TMEM229B: variants seen among roughly 807,000 people sequenced by gnomAD.
TMEM229B encodes chromosome 14 open reading frame 83.
In TMEM229B, 6 loss-of-function variants were observed where a neutral mutation model predicts 13.7. That is an observed-to-expected ratio of 0.44 (90% CI 0.24 to 0.86). TMEM229B has a LOEUF of 0.86. Ranked by LOEUF, TMEM229B falls within the 40% of genes least tolerant of loss-of-function variation. The pLI, the probability that TMEM229B is intolerant of heterozygous loss-of-function variation, is 0.23. For synonymous variants in TMEM229B, 107 were observed against 102.1 expected, an observed-to-expected ratio of 1.05 and a Z score of -0.29; for missense variants, 170 against 236.0, an observed-to-expected ratio of 0.72 and a Z score of 1.83.
In TMEM229B at chr14:67,500,715, G is replaced by T. The variant is rs181939421; in HGVS notation, c.-191-13543C>A. On this transcript the variant is annotated intron_variant, in intron 1 of 2. Coordinates refer to the TMEM229B transcript ENST00000357461. ...GCTTCCCGAGTAGCTGAGACTACAG[G>T]CGCCCGCCACCACGCCCGGCTAATT... Among the ~76,000 whole-genome samples the T allele has an allele frequency of 3.2e-3, 479 of 150,760 alleles. 2 individuals carry two copies. Among genetic ancestry groups the T allele is most frequent in the African/African-American group, 0.011 (454 of 41,150 alleles).
intron 1 of TMEM229B, among the ~76,000 whole-genome samples, chr14:67,507,479 C>T (rs1230247180): frequency 3.9e-5 from 6 of 152,120 alleles, no homozygotes; most frequent in South Asian, 2.1e-4. Flanking sequence ...CCCAGGGTCT[C>T]GGTCTTTTGT....
intron 2 of TMEM229B, among the ~76,000 whole-genome samples, chr14:67,480,634 ACC>A (rs1279277071): frequency 6.6e-6 from 1 of 152,012 alleles, no homozygotes; most frequent in East Asian, 1.9e-4. Context: ...TGGACCTCCT[ACC>A]CCAACTCAGG....
intron 2 of TMEM229B, among the ~76,000 whole-genome samples, chr14:67,476,262 C>T (rs570036492): frequency 6.6e-6 from 1 of 152,334 alleles, no homozygotes; most frequent in African/African-American, 2.4e-5. Flanking sequence ...CTTCCAAGCA[C>T]TTCGTTCGCA....
At chr14:67,483,736 C>A (rs897303668) in intron 2 of TMEM229B, among the ~76,000 whole-genome samples, 4 of 152,232 alleles carry the variant, frequency 2.6e-5, no homozygotes, top group African/African-American at 9.6e-5. Flanking sequence ...ACTGCCAGCC[C>A]ACACCAGTGC....
At chr14:67,517,795 G>A (rs2033229849), upstream of TMEM229B, among the ~76,000 whole-genome samples, 1 of 152,206 alleles carries the variant, frequency 6.6e-6, no homozygotes, top group African/African-American at 2.4e-5. Context: ...AGGAAATTAA[G>A]GCTCAGAGAG....
chr14:67,532,330 C>T (rs1264668417), intron 1 of TMEM229B, among the ~76,000 whole-genome samples: 1 of 152,208 alleles, frequency 6.6e-6, no homozygotes, highest in Non-Finnish European at 1.5e-5. Flanking sequence ...TTCAGTCCTT[C>T]ACTGACAGAG....
intron 2 of TMEM229B, among the ~76,000 whole-genome samples, chr14:67,484,200 A>G (rs1177960261): frequency 3.3e-5 from 5 of 152,120 alleles, no homozygotes; most frequent in African/African-American, 1.2e-4. Flanking sequence ...TCTCTCCTCA[A>G]CTAGAATGAA....
intron 1 of TMEM229B, among the ~76,000 whole-genome samples, chr14:67,508,425 T>G (rs1372852921): frequency 2.6e-5 from 4 of 151,998 alleles, no homozygotes; most frequent in Non-Finnish European, 4.4e-5. Flanking sequence ...CCAAAAAACT[T>G]GCATCACACG....
chr14:67,473,982 G>T lies in TMEM229B; in HGVS notation c.-18-41C>A, dbSNP rs969590787. 2 of 1,519,084 alleles carry T rather than the reference G, an allele frequency of 1.3e-6. No homozygotes were observed. Among genetic ancestry groups the T allele is most frequent in the East Asian group, 4.7e-5 (2 of 42,154 alleles). The allele number at this position is 1,519,084 out of a possible 1,614,324, so 94.1% of individuals were successfully genotyped here. On this transcript the variant is annotated intron_variant, in intron 2 of 2. Transcript: ENST00000554480. This position sits in a 1 kb window ranked among gnomAD's most constrained non-coding sequence, Gnocchi z 6.5. ...GAGAGACAGGTGAGGGCCGGGCGCGGTGGCTCACGCCTATAATCCCTGCGC... is the reference window on the plus strand; with the variant it reads ...GAGAGACAGGTGAGGGCCGGGCGCGTTGGCTCACGCCTATAATCCCTGCGC...
At chr14:67,493,985 T>C (rs954539141) in intron 1 of TMEM229B, among the ~76,000 whole-genome samples, 5 of 152,174 alleles carry the variant, frequency 3.3e-5, no homozygotes, top group Non-Finnish European at 4.4e-5. Context: ...CAATCGGTAC[T>C]GTTCCTTTCC....
At chr14:67,491,117 A>G (rs1175684140), upstream of TMEM229B, among the ~76,000 whole-genome samples, 4 of 152,212 alleles carry the variant, frequency 2.6e-5, no homozygotes, top group African/African-American at 7.2e-5. Context: ...CAGGGTTCCC[A>G]TGACCGCCTC....
In TMEM229B at chr14:67,528,151, G is replaced by T. The variant is rs556800957; in HGVS notation, c.-192+5485C>A. Reference sequence around the variant, plus strand: ...GGCTGGGAGACTTTCCTTTCTCTTGGCTTGGGTCTGTCTTCTGCTGAGGAG... The same window carrying T: ...GGCTGGGAGACTTTCCTTTCTCTTGTCTTGGGTCTGTCTTCTGCTGAGGAG... On this transcript the variant is annotated intron_variant, in intron 1 of 2. Coordinates refer to the TMEM229B transcript ENST00000554278. Among the ~76,000 whole-genome samples, 48 of 152,276 alleles carry T rather than the reference G, an allele frequency of 3.2e-4. 1 individual carries two copies. The highest frequency in any genetic ancestry group is 1.1e-3 in the African/African-American group (46 of 41,548).
chr14:67,526,036 C>T (rs1005663315), intron 1 of TMEM229B, among the ~76,000 whole-genome samples: 1 of 152,242 alleles, frequency 6.6e-6, no homozygotes, highest in Non-Finnish European at 1.5e-5. Flanking sequence ...CATCACCAAC[C>T]TTATATATGA....
upstream of TMEM229B, among the ~76,000 whole-genome samples, chr14:67,491,953 G>A (rs562299920): frequency 3.9e-5 from 6 of 152,234 alleles, no homozygotes; most frequent in East Asian, 3.9e-4. Flanking sequence ...CCAACCCCAC[G>A]GGGCCCTGTC....
At chr14:67,493,984 C>G (rs1414325396) in intron 1 of TMEM229B, among the ~76,000 whole-genome samples, 2 of 152,060 alleles carry the variant, frequency 1.3e-5, no homozygotes, top group African/African-American at 2.4e-5. Context: ...CCAATCGGTA[C>G]TGTTCCTTTC....
chr14:67,517,280 C>T (rs767489505), upstream of TMEM229B, among the ~76,000 whole-genome samples: 1 of 152,192 alleles, frequency 6.6e-6, no homozygotes, highest in Non-Finnish European at 1.5e-5. Flanking sequence ...TGGCAGCTGG[C>T]TCTCCCCCAG....
intron 2 of TMEM229B, among the ~76,000 whole-genome samples, chr14:67,480,712 A>C (rs972034798): frequency 6.6e-6 from 1 of 152,170 alleles, no homozygotes; most frequent in East Asian, 1.9e-4. Context: ...GGGAACAGGA[A>C]CCTCACAGGG....
At chr14:67,506,226 C>T (rs1435844072) in intron 1 of TMEM229B, among the ~76,000 whole-genome samples, 1 of 151,932 alleles carries the variant, frequency 6.6e-6, no homozygotes, top group African/African-American at 2.4e-5. Flanking sequence ...CTTCATAAAG[C>T]GGGTGTATTT....
At position 67,473,461 on chromosome 14, in the gene TMEM229B, C is replaced by G. The variant is rs372112152; in HGVS notation, c.463G>C (p.Gly155Arg). The part of the protein sequence containing the change: ...DKDAEPGEPS[G>R]ALALANGHVK... ...TGGCCGTTGGCCAGGGCTAGGGCGC[C>G]GCTGGGCTCCCCGGGCTCAGCGTCC... The change falls in exon 3 of 3, where the codon GGC becomes CGC. Residue 155 changes from glycine to arginine, a missense_variant. Physicochemically the swap from Gly to Arg is moderately radical, Grantham distance 125. Coordinates refer to ENST00000554480, the MANE Select transcript of TMEM229B (RefSeq NM_001348543.2). The surrounding 1 kb of genome is among the most constrained non-coding windows in gnomAD (Gnocchi z 6.5). The G allele has an allele frequency of 5.2e-5, 84 of 1,614,066 alleles. No homozygotes were observed. The highest frequency in any genetic ancestry group is 2.0e-5 in the Non-Finnish European group (24 of 1,180,038).
Sources: allele counts gnomAD v4.1 joint callset (sites outside exome capture counted in the v4.1 genomes callset), GRCh38; gene constraint gnomAD v4.1.1; non-coding constraint Gnocchi (gnomAD v3.1); transcripts MANE v1.5; gene names NCBI Gene and HGNC (gene_info 2026-07-23, HGNC 2026-07-21).